The following RGS11 variants were observed in gnomAD, a reference collection of about 807,000 sequenced individuals.
The protein encoded by RGS11 is regulator of G protein signaling 11.
A neutral mutation model predicts 71.1 loss-of-function variants in RGS11; 86 were observed. The observed-to-expected ratio is 1.21, with a 90% CI of 1.02 to 1.45. The LOEUF is 1.45. Among genes scored for constraint, RGS11 ranks in the 40% most tolerant of loss-of-function variants. The probability of loss-of-function intolerance (pLI) is 0.00; values close to 1 mark genes in which losing one functional copy is unlikely to be tolerated. For synonymous variants in RGS11, 298 were observed against 254.2 expected, an observed-to-expected ratio of 1.17 and a Z score of -1.64; for missense variants, 734 against 635.1, an observed-to-expected ratio of 1.16 and a Z score of -1.67.
At chr16:271,943 TC>T in intron 9 of RGS11, 1 of 307,386 alleles carries the variant, frequency 3.3e-6, no homozygotes, top group Non-Finnish European at 6.1e-6. Context: ...TTCAAGCTAT[TC>T]TCCTGCCTCA....
intron 12 of RGS11, 23 bp downstream of exon 12, chr16:271,179 C>A (rs764993247): frequency 1.2e-5 from 20 of 1,609,010 alleles, no homozygotes; most frequent in Non-Finnish European, 1.6e-5. Context: ...CACCCGCAGT[C>A]CCGCTGCCCC....
At chr16:272,209 G>A (rs1040644566) in intron 9 of RGS11, 20 of 1,181,116 alleles carry the variant, frequency 1.7e-5, no homozygotes, top group Non-Finnish European at 2.1e-5. Flanking sequence ...CTACTAATGG[G>A]GATCACTGGG....
At chr16:273,946 T>G (rs1442394307) in intron 6 of RGS11, 97 bp downstream of exon 6, 22 of 1,459,908 alleles carry the variant, frequency 1.5e-5, no homozygotes, top group Non-Finnish European at 1.9e-5. Context: ...CTGGGCTGTA[T>G]GTTCTGGGGT....
At position 270,833 on chromosome 16, in the gene RGS11, T is replaced by TG. The variant is rs762771727; in HGVS notation, c.980-3dup. 31 of 1,609,732 alleles carry TG rather than the reference T, an allele frequency of 1.9e-5. No individual in the cohort carries two copies. Among genetic ancestry groups the TG allele is most frequent in the Non-Finnish European group, 2.5e-5 (30 of 1,178,828 alleles). On this transcript the variant is annotated splice_region_variant and splice_polypyrimidine_tract_variant and intron_variant, in intron 13 of 16. Transcript: ENST00000397770. ...CCTCCCAGAAGCTGAGGTTTTCTCC[T>TG]GGGGGGCCGGGCACCCAGTCAAGGA...
intron 9 of RGS11, 67 bp from the exon 10 acceptor site, chr16:271,636 G>C: frequency 6.7e-7 from 1 of 1,495,122 alleles, no homozygotes; most frequent in East Asian, 2.3e-5. Context: ...TCCCCAGCAG[G>C]AGGGCACCTC....
At position 268,314 on chromosome 16, in the gene RGS11, A is replaced by C. The variant is rs923134567; in HGVS notation, c.*955T>G. The C allele has an allele frequency of 1.2e-5, 3 of 244,900 alleles. No individual in the cohort carries two copies. Among genetic ancestry groups the C allele is most frequent in the African/African-American group, 6.6e-5 (3 of 45,222 alleles). The allele number at this position is 244,900 out of a possible 1,614,324, so 15.2% of individuals were successfully genotyped here. On this transcript the variant is annotated 3_prime_UTR_variant, in exon 17 of 17. Transcript: ENST00000397770. ...GCTGCACCCACAGCAGGATGGGCTC[A>C]GAGCCAGGGCCCAAGGGTCTTTTAT...
intron 6 of RGS11, 25 bp downstream of exon 6, chr16:274,016 CGG>C: frequency 1.5e-6 from 2 of 1,358,202 alleles, no homozygotes; most frequent in Non-Finnish European, 2.0e-6. Flanking sequence ...TGTACCCAGC[CGG>C]GGCGGGAAGG....
chr16:269,200 G>A lies in RGS11; in HGVS notation c.*69C>T, dbSNP rs1414428903. On this transcript the variant is annotated 3_prime_UTR_variant, in exon 17 of 17. Coordinates refer to ENST00000397770, the MANE Select transcript of RGS11 (RefSeq NM_183337.3). ...CAGCCCCCAGGACCTGGGCCAAGAC[G>A]GGGGTGGCTGCTGCATTCACGCAGG... 16 of 1,203,140 alleles carry A rather than the reference G, an allele frequency of 1.3e-5. No homozygotes were observed. The highest frequency in any genetic ancestry group is 9.9e-5 in the Admixed American group (5 of 50,514). The allele number at this position is 1,203,140 out of a possible 1,614,324, so 74.5% of individuals were successfully genotyped here.
chr16:275,462 G>C lies in RGS11; in HGVS notation c.100C>G (p.Gln34Glu), dbSNP rs1403454726. The C allele has an allele frequency of 1.3e-6, 2 of 1,592,748 alleles. No individual in the cohort carries two copies. Among genetic ancestry groups the C allele is most frequent in the Non-Finnish European group, 1.7e-6 (2 of 1,176,746 alleles). Residue 34 changes from glutamine to glutamate, a missense_variant, in exon 2 of 17, where the codon CAG becomes GAG. Gln to Glu is a conservative substitution (Grantham distance 29, BLOSUM62 2). Coordinates refer to ENST00000397770, the MANE Select transcript of RGS11 (RefSeq NM_183337.3). ...CGCTGGCTCCGCATCTTCACGCCCT[G>C]GTCGGGGTCCTGCATGCTCACGACC... ...RVVVSMQDPD[Q>E]GVKMRSQRLL...
rs1238920248 is a variant in RGS11 at position 271,264 on chromosome 16, C to T, written c.801G>A (p.Gly267=). ...AGATCCAGGGATTGCTGGGCAGGCA[C>T]CCCGACACGAGGGGATCGTGGGGTC... ...QRGPHDPLVS[G]CLPSNPWISD... The change falls in exon 12 of 17, where the codon GGG becomes GGA. Residue 267 remains glycine, a synonymous_variant. Coordinates refer to ENST00000397770, the MANE Select transcript of RGS11 (RefSeq NM_183337.3). 5 of 1,612,848 alleles carry T rather than the reference C, an allele frequency of 3.1e-6. No individual in the cohort carries two copies. The African/African-American group carries it at 4.0e-5, about 13-fold the overall frequency.
In RGS11 at chr16:268,791, C is replaced by T. The variant is rs2051785867; in HGVS notation, c.*478G>A. 3.2e-6 allele frequency: 5 copies of T among 1,550,254 alleles called. No homozygotes were observed. The East Asian group carries it at 1.2e-4, about 38-fold the overall frequency. Reference sequence around the variant, plus strand: ...CCTCTTCCAGGCTCACACTGGGCGACAGCGGAGAGGCTCTTGGACGGGGCA... The same window carrying T: ...CCTCTTCCAGGCTCACACTGGGCGATAGCGGAGAGGCTCTTGGACGGGGCA... On this transcript the variant is annotated 3_prime_UTR_variant, in exon 17 of 17. Transcript: ENST00000397770.
intron 6 of RGS11, 68 bp downstream of exon 6, chr16:273,975 G>T: frequency 6.7e-7 from 1 of 1,493,496 alleles, no homozygotes; most frequent in South Asian, 1.2e-5. Context: ...AAGCCCCGGG[G>T]GGCCGTGAGT....
In RGS11 at chr16:269,666, T is replaced by C; in HGVS notation, c.1207-81A>G. 3.6e-6 allele frequency: 4 copies of C among 1,116,856 alleles called. No individual in the cohort carries two copies. The South Asian group carries it at 5.3e-5, about 15-fold the overall frequency. 69.2% of individuals were successfully genotyped at this position (1,116,856 alleles called of 1,614,324 possible). A position where few individuals can be genotyped will look rare whatever the true frequency, so the allele number is the denominator to read the frequency against. The stretch of plus-strand genomic sequence containing the variant: ...CTCCACCCGAAGGAGCAGCCAAACA[T>C]TGCTGGAGCCTCCTCCAGCCACAGA... On this transcript the variant is annotated intron_variant, in intron 15 of 16. Transcript: ENST00000397770.
At chr16:273,016 A>G (rs1043827466) in intron 8 of RGS11, 85 bp from the exon 9 acceptor site, 1 of 1,249,698 alleles carries the variant, frequency 8.0e-7, no homozygotes, top group South Asian at 1.6e-5. Flanking sequence ...CCAGACCCCC[A>G]TGTGGAAACT....
At position 275,627 on chromosome 16, in the gene RGS11, C is replaced by T. The variant is rs1280182528; in HGVS notation, c.64-129G>A. 7 of 843,008 alleles carry T rather than the reference C, an allele frequency of 8.3e-6. No individual in the cohort carries two copies. In the East Asian group the frequency reaches 2.1e-4, roughly 26 times the overall value. The allele number at this position is 843,008 out of a possible 1,614,324, so 52.2% of individuals were successfully genotyped here. A position where few individuals can be genotyped will look rare whatever the true frequency, so the allele number is the denominator to read the frequency against. On this transcript the variant is annotated intron_variant, in intron 1 of 16. Coordinates refer to ENST00000397770, the MANE Select transcript of RGS11 (RefSeq NM_183337.3). ...GGCGGCGGCGGATTCCAGGCCGCAGCTGGCGGCGGGGACGCGGGGCGGGCC... is the reference window on the plus strand; with the variant it reads ...GGCGGCGGCGGATTCCAGGCCGCAGTTGGCGGCGGGGACGCGGGGCGGGCC...
chr16:274,891 C>G (rs748803901), intron 4 of RGS11, 85 bp downstream of exon 4: 13 of 1,525,152 alleles, frequency 8.5e-6, no homozygotes, highest in African/African-American at 2.8e-5. Context: ...GCAAGCTCGG[C>G]GCCCCTCCTG....
At chr16:275,122 C>T in intron 3 of RGS11, 40 bp from the exon 4 acceptor site, 1 of 1,483,520 alleles carries the variant, frequency 6.7e-7, no homozygotes, top group Admixed American at 2.3e-5. Flanking sequence ...GCCGCGGAAG[C>T]GGGCGAGGGC....
intron 6 of RGS11, 43 bp from the exon 7 acceptor site, chr16:273,879 C>A (rs754856455): frequency 1.3e-6 from 2 of 1,581,282 alleles, no homozygotes; most frequent in Non-Finnish European, 1.7e-6. Context: ...CGGCCCCTGC[C>A]CCCAGTGAGA....
In RGS11 at chr16:275,251, C is replaced by T. The variant is rs1224736861; in HGVS notation, c.211+32G>A. The stretch of plus-strand genomic sequence containing the variant: ...CAGGCCTAGGCCACCAGCCCAGTGA[C>T]CCCAGGGCCCAGTGGGAGGCAGGGC... On this transcript the variant is annotated intron_variant, in intron 3 of 16. Coordinates refer to ENST00000397770, the MANE Select transcript of RGS11 (RefSeq NM_183337.3). 1.9e-6 allele frequency: 3 copies of T among 1,611,464 alleles called. No homozygotes were observed. In the Admixed American group the frequency reaches 5.0e-5, roughly 27 times the overall value.
Sources: gnomAD v4.1 joint callset for allele counts on GRCh38, gnomAD v4.1.1 for gene constraint, MANE v1.5 for transcripts, NCBI Gene and HGNC (gene_info 2026-07-23, HGNC 2026-07-21) for gene names.